The following FETUB variants were observed in gnomAD, a reference collection of about 807,000 sequenced individuals.
FETUB encodes the protein fetuin-B.
A neutral mutation model predicts 30.9 loss-of-function variants in FETUB; 28 were observed. The ratio of observed to expected loss-of-function variants is 0.90; its 90% CI spans 0.67 to 1.24. The LOEUF (loss-of-function observed/expected upper bound fraction) is 1.24. Ranked by LOEUF, FETUB falls within the 50% of genes most tolerant of loss-of-function variation. The probability of loss-of-function intolerance (pLI) is 0.00; values close to 1 mark genes in which losing one functional copy is unlikely to be tolerated. For synonymous variants in FETUB, 186 were observed against 175.9 expected, an observed-to-expected ratio of 1.06 and a Z score of -0.45; for missense variants, 469 against 455.3, an observed-to-expected ratio of 1.03 and a Z score of -0.27.
At chr3:186,644,667 C>T (rs1319193782) in intron 3 of FETUB, 84 bp from the exon 4 acceptor site, 2 of 1,082,786 alleles carry the variant, frequency 1.8e-6, no homozygotes, top group African/African-American at 1.6e-5. Context: ...AGGTAACTTC[C>T]TCACCCCATC....
At chr3:186,637,587 G>A (rs1374080381), upstream of FETUB, among the ~76,000 whole-genome samples, 2 of 152,196 alleles carry the variant, frequency 1.3e-5, no homozygotes, top group Non-Finnish European at 1.5e-5. Context: ...GGAGCCCCCT[G>A]CCTCTCCCTC....
chr3:186,636,860 G>C (rs1716790285), upstream of FETUB, among the ~76,000 whole-genome samples: 1 of 152,224 alleles, frequency 6.6e-6, no homozygotes, highest in Non-Finnish European at 1.5e-5. Flanking sequence ...GGCATACTCT[G>C]TTCTTCCTTC....
chr3:186,649,366 G>T (rs1560026510), intron 5 of FETUB, among the ~76,000 whole-genome samples: 1 of 152,160 alleles, frequency 6.6e-6, no homozygotes, highest in Non-Finnish European at 1.5e-5. Flanking sequence ...GGATACAAGT[G>T]CAGTTTTCTT....
upstream of FETUB, chr3:186,636,137 C>A (rs1014987529): frequency 1.3e-5 from 2 of 152,272 alleles, no homozygotes; most frequent in African/African-American, 4.8e-5. Context: ...GAAGGTGTGA[C>A]TGGCAAAGCT....
chr3:186,652,248 A>G lies in FETUB; in HGVS notation c.781-15A>G. The G allele has an allele frequency of 6.5e-7, 1 of 1,533,122 alleles. No homozygotes were observed. Among genetic ancestry groups the G allele is most frequent in the Non-Finnish European group, 8.7e-7 (1 of 1,145,142 alleles). The allele number at this position is 1,533,122 out of a possible 1,614,324, so 95.0% of individuals were successfully genotyped here. ...TCCCTGTGGAACTCTACATTCAAAA[A>G]TGTTCTCATTCCAGGCTCCAGCCAC... On this transcript the variant is annotated splice_polypyrimidine_tract_variant and intron_variant, in intron 6 of 6. Transcript: ENST00000265029.
chr3:186,652,693 C>T lies in FETUB; in HGVS notation c.*62C>T, dbSNP rs778961938. 2.2e-5 allele frequency: 34 copies of T among 1,522,500 alleles called. No individual in the cohort carries two copies. The highest frequency in any genetic ancestry group is 2.4e-5 in the Non-Finnish European group (27 of 1,141,146). 94.3% of individuals were successfully genotyped at this position (1,522,500 alleles called of 1,614,324 possible). ...CGCATGACATGGGAGGCGATGGGGA[C>T]GATGGACAGAGACAGAGCGTGCACA... On this transcript the variant is annotated 3_prime_UTR_variant, in exon 7 of 7. Transcript: ENST00000265029.
At chr3:186,650,544 C>A (rs1418126335) in intron 5 of FETUB, among the ~76,000 whole-genome samples, 4 of 151,722 alleles carry the variant, frequency 2.6e-5, no homozygotes, top group African/African-American at 7.3e-5. Context: ...TCATTCAATG[C>A]CATAAGAGGG....
chr3:186,645,844 T>A (rs147919292), intron 4 of FETUB, among the ~76,000 whole-genome samples: 2,746 of 150,324 alleles, frequency 0.018, 77 homozygotes, highest in African/African-American at 0.054. Flanking sequence ...CTCCTGCCTC[T>A]GCCTCCCGAG....
chr3:186,637,447 C>A (rs1323517180), upstream of FETUB, among the ~76,000 whole-genome samples: 1 of 152,202 alleles, frequency 6.6e-6, no homozygotes, highest in African/African-American at 2.4e-5. Context: ...GATGCCTAAT[C>A]ACGTGTGCTG....
chr3:186,641,706 A>G (rs550140006), intron 2 of FETUB: 1 of 152,444 alleles, frequency 6.6e-6, no homozygotes, highest in Non-Finnish European at 1.5e-5. Flanking sequence ...TAGATAATCC[A>G]TTTCATTTCA....
upstream of FETUB, among the ~76,000 whole-genome samples, chr3:186,639,141 C>T (rs566574177): frequency 6.6e-6 from 1 of 152,270 alleles, no homozygotes; most frequent in East Asian, 1.9e-4. Context: ...GATCGAGGGG[C>T]TATACCTGCT....
chr3:186,643,764 A>G (rs1394236011), intron 3 of FETUB, among the ~76,000 whole-genome samples: 4 of 152,182 alleles, frequency 2.6e-5, no homozygotes, highest in Admixed American at 1.3e-4. Flanking sequence ...CCCCAAGTGC[A>G]TGCAGATAAA....
upstream of FETUB, among the ~76,000 whole-genome samples, chr3:186,639,362 TTC>T (rs1240152622): frequency 2.0e-5 from 3 of 152,162 alleles, no homozygotes; most frequent in African/African-American, 7.2e-5. Flanking sequence ...CACAGAAGGA[TTC>T]AGCAGTTCCT....
chr3:186,642,593 A>C, intron 3 of FETUB, 35 bp downstream of exon 3: 1 of 1,259,318 alleles, frequency 7.9e-7, no homozygotes, highest in Non-Finnish European at 1.2e-6. Context: ...AGTTTTAATA[A>C]AGGATGGAAA....
At chr3:186,649,154 T>C (rs1717786346) in intron 5 of FETUB, among the ~76,000 whole-genome samples, 1 of 152,198 alleles carries the variant, frequency 6.6e-6, no homozygotes, top group African/African-American at 2.4e-5. Context: ...CTCCAGAAGG[T>C]TCTCTGAGAG....
At chr3:186,642,805 C>G (rs142534090) in intron 3 of FETUB, among the ~76,000 whole-genome samples, 173 of 152,338 alleles carry the variant, frequency 1.1e-3, no homozygotes, top group African/African-American at 3.4e-3. Context: ...CATTTTCAGT[C>G]TGACATAAAT....
Position 186,653,056 on chromosome 3 carries a change from T to G in FETUB, c.*425T>G. ...GCCCAGCACAGTTTCAGTCCCTAAA[T>G]TCCCTTTAATTCCAGGACAGGTATT... On this transcript the variant is annotated 3_prime_UTR_variant, in exon 7 of 7. Coordinates refer to ENST00000265029, the MANE Select transcript of FETUB (RefSeq NM_014375.3). 6.3e-6 allele frequency: 1 copy of G among 157,578 alleles called. No homozygotes were observed. Among genetic ancestry groups the G allele is most frequent in the Admixed American group, 6.0e-5 (1 of 16,590 alleles). The allele number at this position is 157,578 out of a possible 1,614,324, so 9.8% of individuals were successfully genotyped here. A position where few individuals can be genotyped will look rare whatever the true frequency, so the allele number is the denominator to read the frequency against.
At chr3:186,641,423 G>C in intron 2 of FETUB, 1 of 282,966 alleles carries the variant, frequency 3.5e-6, no homozygotes, top group Non-Finnish European at 6.7e-6. Context: ...CTCTGAACCA[G>C]TGTTTCAATT....
upstream of FETUB, among the ~76,000 whole-genome samples, chr3:186,637,732 C>T (rs1716816707): frequency 6.6e-6 from 1 of 152,272 alleles, no homozygotes; most frequent in East Asian, 1.9e-4. Flanking sequence ...GTGAGGACCA[C>T]AGGGTACAGT....
Sources: gnomAD v4.1 joint callset for allele counts (sites outside exome capture counted in the v4.1 genomes callset) on GRCh38, gnomAD v4.1.1 for gene constraint, MANE v1.5 for transcripts, NCBI Gene and HGNC (gene_info 2026-07-23, HGNC 2026-07-21) for gene names.